Variants in LIFR observed in about 807,000 individuals in gnomAD.
LIFR encodes leukemia inhibitory factor receptor.
LIFR carries 84 observed loss-of-function variants against 122.2 expected under a neutral mutation model. The observed-to-expected ratio is 0.69, with a 90% CI of 0.58 to 0.82. The LOEUF is 0.82. Among genes scored for constraint, LIFR ranks in the 40% least tolerant of loss-of-function variants. The pLI is 0.00. For synonymous variants in LIFR, 422 were observed against 434.7 expected (o/e 0.97, Z 0.36); for missense variants, 1,294 against 1,311.6 (o/e 0.99, Z 0.21).
Position 38,481,661 on chromosome 5 carries a change from G to C in LIFR, c.3228C>G (p.Asp1076Glu). The C allele has an allele frequency of 6.2e-7, 1 of 1,614,028 alleles. No individual in the cohort carries two copies. The highest frequency in any genetic ancestry group is 8.5e-7 in the Non-Finnish European group (1 of 1,179,878). ...RQFLIPPKDE[D>E]SPKSNGGGWS... The stretch of plus-strand genomic sequence containing the variant: ...ACCCTCCTCCATTAGATTTAGGAGA[G>C]TCTTCATCTTTAGGAGGAATCAAAA... The change falls in exon 20 of 20, where the codon GAC becomes GAG. Residue 1076 changes from aspartate to glutamate, a missense_variant. Coordinates refer to ENST00000453190, the MANE Select transcript of LIFR (RefSeq NM_001127671.2).
intron 1 of LIFR, among the ~76,000 whole-genome samples, chr5:38,543,541 T>C (rs1747706384): frequency 6.6e-6 from 1 of 152,194 alleles, no homozygotes; most frequent in African/African-American, 2.4e-5. Context: ...CACTATGTGG[T>C]AGGCTCCATT....
intron 11 of LIFR, 111 bp from the exon 12 acceptor site, chr5:38,499,694 C>A: frequency 1.3e-6 from 1 of 775,304 alleles, no homozygotes; most frequent in South Asian, 1.5e-5. Flanking sequence ...TGAAGCAGTT[C>A]AGTGGCTTCC....
chr5:38,585,413 T>G (rs1561227218), intron 1 of LIFR, among the ~76,000 whole-genome samples: 1 of 152,250 alleles, frequency 6.6e-6, no homozygotes, highest in Non-Finnish European at 1.5e-5. Flanking sequence ...GCAAGGCTAC[T>G]GACTTTTGCC....
At chr5:38,524,699 G>A (rs184197863) in intron 4 of LIFR, among the ~76,000 whole-genome samples, 9 of 152,272 alleles carry the variant, frequency 5.9e-5, no homozygotes, top group East Asian at 1.9e-4. Flanking sequence ...GAGTCAGAAC[G>A]TGGATGCAGA....
At chr5:38,597,635 C>T (rs989281390), upstream of LIFR, among the ~76,000 whole-genome samples, 1 of 152,140 alleles carries the variant, frequency 6.6e-6, no homozygotes, top group Non-Finnish European at 1.5e-5. Context: ...GCTCAGTATC[C>T]TACAATGCAC....
At chr5:38,555,302 T>C (rs1020988263) in intron 1 of LIFR, among the ~76,000 whole-genome samples, 1 of 152,152 alleles carries the variant, frequency 6.6e-6, no homozygotes, top group African/African-American at 2.4e-5. Flanking sequence ...AAAATAATCA[T>C]GTAAGGGGAA....
At position 38,493,670 on chromosome 5, in the gene LIFR, C is replaced by T. The variant is rs1195064309; in HGVS notation, c.2001G>A (p.Ser667=). The change falls in exon 14 of 20, where the codon TCG becomes TCA. Residue 667 remains serine, a synonymous_variant. Transcript: ENST00000453190. ...YVIKWCNSSR[S]EPCLMDWRKV... ...TTCTCCAGTCCATAAGGCATGGTTC[C>T]GACCGAGACGAGTTACACCACTTAA... 12 of 1,614,144 alleles carry T rather than the reference C, an allele frequency of 7.4e-6. No homozygotes were observed. The highest frequency in any genetic ancestry group is 2.2e-5 in the East Asian group (1 of 44,884).
At chr5:38,488,331 A>G (rs1744396250) in intron 16 of LIFR, among the ~76,000 whole-genome samples, 1 of 152,166 alleles carries the variant, frequency 6.6e-6, no homozygotes, top group Non-Finnish European at 1.5e-5. Context: ...ACCGTGGTGG[A>G]GTTCTCTATT....
rs572954936 is a variant in LIFR at position 38,517,856 on chromosome 5, C to CAAAAAAAAAAAAAAAAAAAAAAAAAAA, written c.561+5562_561+5563insTTTTTTTTTTTTTTTTTTTTTTTTTTT. Among the ~76,000 whole-genome samples the CAAAAAAAAAAAAAAAAAAAAAAAAAAA allele has an allele frequency of 1.3e-3, 20 of 15,040 alleles. 2 individuals are homozygous for CAAAAAAAAAAAAAAAAAAAAAAAAAAA. Among genetic ancestry groups the CAAAAAAAAAAAAAAAAAAAAAAAAAAA allele is most frequent in the East Asian group, 5.1e-3 (1 of 196 alleles). The allele number at this position is 15,040 out of a possible 152,430, so 9.9% of individuals were successfully genotyped here. ...TGTGCAACAGAGCAAGACACTGTCT[C>CAAAAAAAAAAAAAAAAAAAAAAAAAAA]AAAAAAAAAAAAAAAAAAAAAAAAA... On this transcript the variant is annotated intron_variant, in intron 5 of 19. Coordinates refer to ENST00000453190, the MANE Select transcript of LIFR (RefSeq NM_001127671.2).
Position 38,510,571 on chromosome 5 carries a change from T to C in LIFR, c.884A>G (p.Glu295Gly). 6.2e-7 allele frequency: 1 copy of C among 1,614,000 alleles called. No homozygotes were observed. The highest frequency in any genetic ancestry group is 2.2e-5 in the East Asian group (1 of 44,840). Reference protein sequence around the residue: ...TNCPLIHLDGENVAIKIRNIS... With the variant: ...TNCPLIHLDGGNVAIKIRNIS... ...ATTACGAATCTTGATTGCAACATTT[T>C]CCCCATCAAGATGGATCAAGGGGCA... Residue 295 changes from glutamate to glycine, a missense_variant, in exon 7 of 20, where the codon GAA becomes GGA. Coordinates refer to ENST00000453190, the MANE Select transcript of LIFR (RefSeq NM_001127671.2).
At chr5:38,571,557 A>G (rs1023986623) in intron 1 of LIFR, among the ~76,000 whole-genome samples, 2 of 148,376 alleles carry the variant, frequency 1.3e-5, no homozygotes, top group Non-Finnish European at 3.0e-5. Context: ...AAAAAGCACT[A>G]GCCTCCTTCT....
rs1748562250 is a variant in LIFR at position 38,556,540 on chromosome 5, G to A, written c.-226C>T. On this transcript the variant is annotated 5_prime_UTR_variant, in exon 1 of 20. Transcript: ENST00000453190. Reference sequence around the variant, plus strand: ...CTGCTTGAGGCGGCCACGGGCGAAGGGCGGCCCGCTGCGCTCCGCGAACCC... The same window carrying A: ...CTGCTTGAGGCGGCCACGGGCGAAGAGCGGCCCGCTGCGCTCCGCGAACCC... 1 of 150,200 alleles carries A rather than the reference G, an allele frequency of 6.7e-6. No individual in the cohort carries two copies. The highest frequency in any genetic ancestry group is 2.1e-4 in the South Asian group (1 of 4,806). The allele number at this position is 150,200 out of a possible 1,614,324, so 9.3% of individuals were successfully genotyped here.
chr5:38,499,146 C>T (rs1252009177), intron 12 of LIFR, among the ~76,000 whole-genome samples: 1 of 151,888 alleles, frequency 6.6e-6, no homozygotes, highest in South Asian at 2.1e-4. Context: ...AAATAAATTA[C>T]ACATGAAGTA....
intron 5 of LIFR, among the ~76,000 whole-genome samples, chr5:38,519,292 C>A (rs1015069735): frequency 1.3e-5 from 2 of 152,142 alleles, no homozygotes; most frequent in African/African-American, 4.8e-5. Flanking sequence ...GCTCCATTCA[C>A]GGTAAGTGCC....
intron 1 of LIFR, among the ~76,000 whole-genome samples, chr5:38,562,875 C>T (rs1460938614): frequency 1.3e-5 from 2 of 152,202 alleles, no homozygotes; most frequent in Non-Finnish European, 2.9e-5. Context: ...TGCCAATAGG[C>T]ATAATTCAAG....
chr5:38,548,919 T>G (rs189708295), intron 1 of LIFR, among the ~76,000 whole-genome samples: 6 of 152,174 alleles, frequency 3.9e-5, no homozygotes, highest in Non-Finnish European at 8.8e-5. Context: ...GTATTAAGAA[T>G]AGAATACTGG....
At chr5:38,518,386 T>A (rs999948905) in intron 5 of LIFR, among the ~76,000 whole-genome samples, 4 of 152,066 alleles carry the variant, frequency 2.6e-5, no homozygotes, top group Non-Finnish European at 5.9e-5. Flanking sequence ...GGGACTGTTG[T>A]GAGGATAAAA....
intron 1 of LIFR, among the ~76,000 whole-genome samples, chr5:38,537,599 T>G (rs568814974): frequency 3.3e-5 from 5 of 152,156 alleles, no homozygotes; most frequent in Non-Finnish European, 5.9e-5. Flanking sequence ...GACGAAAACT[T>G]ATCTCTAAAA....
chr5:38,522,689 T>C (rs1746466828), intron 5 of LIFR, among the ~76,000 whole-genome samples: 1 of 152,206 alleles, frequency 6.6e-6, no homozygotes, highest in African/African-American at 2.4e-5. Context: ...ATGAAATACA[T>C]GGGTTGTCAA....
Sources: gnomAD v4.1 joint callset for allele counts (sites outside exome capture counted in the v4.1 genomes callset) on GRCh38, gnomAD v4.1.1 for gene constraint, MANE v1.5 for transcripts, NCBI Gene and HGNC (gene_info 2026-07-23, HGNC 2026-07-21) for gene names.